The following BANP variants were observed in gnomAD, a reference collection of about 807,000 sequenced individuals.
The protein encoded by BANP is protein BANP.
Under a neutral mutation model 68.1 loss-of-function variants are expected in BANP, and 11 were observed. The ratio of observed to expected loss-of-function variants is 0.16; its 90% CI spans 0.10 to 0.27. The LOEUF is 0.27. BANP is among the 10% of genes least tolerant of loss of function. The pLI is 1.00. For missense variants in BANP, 504 were observed against 722.7 expected, an observed-to-expected ratio of 0.70 and a Z score of 3.47; for synonymous variants, 329 against 303.2, an observed-to-expected ratio of 1.09 and a Z score of -0.88.
intron 11 of BANP, among the ~76,000 whole-genome samples, chr16:88,060,378 T>G (rs551251847): frequency 1.3e-5 from 2 of 152,208 alleles, no homozygotes; most frequent in African/African-American, 4.8e-5. Context: ...ACCCTCTGTT[T>G]AAAAGCCACG....
Position 87,957,698 on chromosome 16 carries a change from C to T in BANP, c.-69+6183C>T, listed in dbSNP as rs1461695564. ...AAGTAGAAACGCGTTTGGATGGAGC[C>T]GGGAGGGAGAACTGGGTGCGCGCTT... On this transcript the variant is annotated intron_variant, in intron 1 of 13. Transcript: ENST00000682872. The surrounding 1 kb of genome is among the most constrained non-coding windows in gnomAD (Gnocchi z 4.3). Among the ~76,000 whole-genome samples, 2 of 152,206 alleles carry T rather than the reference C, an allele frequency of 1.3e-5. No homozygotes were observed. The highest frequency in any genetic ancestry group is 2.9e-5 in the Non-Finnish European group (2 of 68,040).
At chr16:87,983,281 C>T (rs532004891) in intron 3 of BANP, among the ~76,000 whole-genome samples, 50 of 152,290 alleles carry the variant, frequency 3.3e-4, no homozygotes, top group African/African-American at 1.2e-3. Context: ...GTCCTTCTGT[C>T]TGCTGGTGAG....
chr16:88,020,643 G>T (rs2075840477), intron 7 of BANP, among the ~76,000 whole-genome samples: 2 of 152,346 alleles, frequency 1.3e-5, no homozygotes, highest in South Asian at 4.1e-4. Context: ...GAGGATGGTG[G>T]TGTGTGGGAT....
intron 8 of BANP, 102 bp downstream of exon 8, chr16:88,027,752 TG>T (rs1416688739): frequency 1.4e-6 from 2 of 1,403,362 alleles, no homozygotes; most frequent in African/African-American, 2.9e-5. Flanking sequence ...GCTCCACCAG[TG>T]GCCGGGAGCC....
At chr16:88,051,191 A>C (rs189419029) in intron 11 of BANP, among the ~76,000 whole-genome samples, 2 of 152,042 alleles carry the variant, frequency 1.3e-5, no homozygotes, top group East Asian at 1.9e-4. Flanking sequence ...GGGGCTCCCC[A>C]GTGGTTTAGG....
At position 88,033,218 on chromosome 16, in the gene BANP, G is replaced by A. The variant is rs752925812; in HGVS notation, c.1173G>A (p.Gln391=). Reference sequence around the variant, plus strand: ...ACGCACAGCAGGTGCAGATCCACCAGATCGGAGAAGACGGACAGGTGCAAG... The same window carrying A: ...ACGCACAGCAGGTGCAGATCCACCAAATCGGAGAAGACGGACAGGTGCAAG... ...LANAQQVQIH[Q]IGEDGQVQVI... The change falls in exon 9 of 14, where the codon CAG becomes CAA. Residue 391 remains glutamine, a synonymous_variant. Coordinates refer to ENST00000682872, the MANE Select transcript of BANP (RefSeq NM_001386991.1). The A allele has an allele frequency of 1.2e-6, 2 of 1,607,658 alleles. No individual in the cohort carries two copies. Among genetic ancestry groups the A allele is most frequent in the African/African-American group, 1.3e-5 (1 of 74,994 alleles).
intron 6 of BANP, among the ~76,000 whole-genome samples, chr16:88,007,991 ACCC>A (rs1163903792): frequency 6.6e-6 from 1 of 151,976 alleles, no homozygotes; most frequent in Admixed American, 6.6e-5. Context: ...ATTTTTTATT[ACCC>A]CCAGAAGAAG....
intron 11 of BANP, among the ~76,000 whole-genome samples, chr16:88,050,685 T>C (rs959770820): frequency 1.3e-5 from 2 of 152,024 alleles, no homozygotes; most frequent in Admixed American, 6.6e-5. Context: ...TTGGCTGTTT[T>C]TTCATTTTAA....
chr16:88,016,563 A>G (rs2074604814), intron 6 of BANP, among the ~76,000 whole-genome samples: 1 of 152,144 alleles, frequency 6.6e-6, no homozygotes, highest in Non-Finnish European at 1.5e-5. Context: ...TTAGATGCGG[A>G]GCTTTAGACC....
chr16:88,055,833 C>G (rs1481941589), intron 11 of BANP, among the ~76,000 whole-genome samples: 1 of 152,072 alleles, frequency 6.6e-6, no homozygotes, highest in Non-Finnish European at 1.5e-5. Context: ...CATGCCAAAA[C>G]ACAAGCAGAA....
chr16:88,035,242 A>G (rs2079057704), intron 9 of BANP, 81 bp from the exon 10 acceptor site: 4 of 1,271,778 alleles, frequency 3.1e-6, no homozygotes, highest in East Asian at 2.5e-5. Context: ...ATAATCAAGA[A>G]CAAACATTCC....
intron 1 of BANP, among the ~76,000 whole-genome samples, chr16:87,968,282 G>A (rs1028952343): frequency 6.6e-6 from 1 of 150,544 alleles, no homozygotes; most frequent in African/African-American, 2.4e-5. Context: ...CCGGGAGTTC[G>A]AGACCAGCCT....
intron 1 of BANP, among the ~76,000 whole-genome samples, chr16:87,959,508 G>A (rs1451139595): frequency 6.6e-6 from 1 of 152,246 alleles, no homozygotes; most frequent in Non-Finnish European, 1.5e-5. Context: ...CTGCTTGCGA[G>A]GGAGGCGGCT....
intron 11 of BANP, among the ~76,000 whole-genome samples, chr16:88,059,684 G>T (rs1356790627): frequency 6.6e-6 from 1 of 152,166 alleles, no homozygotes; most frequent in African/African-American, 2.4e-5. Context: ...ATGTGAGTTT[G>T]GTGGGGTTCT....
At chr16:88,005,722 AG>A (rs1272389356) in intron 5 of BANP, among the ~76,000 whole-genome samples, 5 of 152,230 alleles carry the variant, frequency 3.3e-5, no homozygotes, top group African/African-American at 1.2e-4. Context: ...CTCTGGGCAC[AG>A]TTTTCCTCAT....
Position 88,033,955 on chromosome 16 carries a change from C to T in BANP, c.1200+710C>T, listed in dbSNP as rs145030958. 2.6e-3 allele frequency among the ~76,000 whole-genome samples: 403 copies of T among 152,306 alleles called. 1 individual carries two copies. The highest frequency in any genetic ancestry group is 9.1e-3 in the African/African-American group (377 of 41,536). On this transcript the variant is annotated intron_variant, in intron 9 of 13. Coordinates refer to ENST00000682872, the MANE Select transcript of BANP (RefSeq NM_001386991.1). ...GCTGAGTGACTAGAAATTTTACATG[C>T]ACCACTAGACCTCGCCTATGTTTTT...
intron 11 of BANP, among the ~76,000 whole-genome samples, chr16:88,051,741 C>G (rs1365859911): frequency 1.3e-5 from 2 of 152,158 alleles, no homozygotes; most frequent in African/African-American, 4.8e-5. Flanking sequence ...TAACTGTGTG[C>G]TTTGTTGAGG....
At chr16:87,951,263 C>A (rs1597612682), upstream of BANP, among the ~76,000 whole-genome samples, 1 of 152,198 alleles carries the variant, frequency 6.6e-6, no homozygotes, top group African/African-American at 2.4e-5. Context: ...AAGCCGGTAC[C>A]GTCGCGGAAG....
At chr16:88,012,844 G>A (rs1471554617) in intron 6 of BANP, among the ~76,000 whole-genome samples, 1 of 151,800 alleles carries the variant, frequency 6.6e-6, no homozygotes, top group African/African-American at 2.4e-5. Context: ...TCTATAGACG[G>A]CCTAAGAAAA....
Sources: gnomAD v4.1 joint callset for allele counts (sites outside exome capture counted in the v4.1 genomes callset) on GRCh38, gnomAD v4.1.1 for gene constraint, Gnocchi (gnomAD v3.1) non-coding constraint, MANE v1.5 for transcripts, NCBI Gene and HGNC (gene_info 2026-07-23, HGNC 2026-07-21) for gene names.